The following NKAIN2 variants were observed in gnomAD, a reference collection of about 807,000 sequenced individuals.
NKAIN2 encodes sodium/potassium transporting ATPase interacting 2.
NKAIN2 carries 14 observed loss-of-function variants against 32.6 expected under a neutral mutation model. The ratio of observed to expected loss-of-function variants is 0.43; its 90% CI spans 0.28 to 0.67. The LOEUF (loss-of-function observed/expected upper bound fraction) is 0.67, where lower values mean the gene tolerates loss of function less well. Ranked by LOEUF, NKAIN2 falls within the 30% of genes least tolerant of loss-of-function variation. NKAIN2 has a pLI of 0.17. For synonymous variants in NKAIN2, 80 were observed against 87.2 expected, an observed-to-expected ratio of 0.92 and a Z score of 0.46; for missense variants, 198 against 258.3, an observed-to-expected ratio of 0.77 and a Z score of 1.60.
chr6:124,422,518 C>CT lies in NKAIN2; in HGVS notation c.273+67180dup, dbSNP rs200843036. Reference sequence around the variant, plus strand: ...ATCTCAGAAAGATTAGTATTTTTATCTTTTTTTTTCCATCTTTGTTCTAAA... The same window carrying CT: ...ATCTCAGAAAGATTAGTATTTTTATCTTTTTTTTTTCCATCTTTGTTCTAAA... On this transcript the variant is annotated intron_variant, in intron 3 of 6. Coordinates refer to ENST00000368417, the MANE Select transcript of NKAIN2 (RefSeq NM_001040214.3). Among the ~76,000 whole-genome samples, 1,508 of 151,498 alleles carry CT rather than the reference C, an allele frequency of 1.0e-2. 24 individuals carry two copies. Among genetic ancestry groups the CT allele is most frequent in the African/African-American group, 0.034 (1,416 of 41,374 alleles).
intron 1 of NKAIN2, among the ~76,000 whole-genome samples, chr6:124,246,886 G>T (rs904903648): frequency 6.6e-6 from 1 of 151,942 alleles, no homozygotes; most frequent in Non-Finnish European, 1.5e-5. Flanking sequence ...TGGTTTTATA[G>T]GTTGGAGTTC....
chr6:124,159,636 CAAAG>C (rs1788171735), intron 1 of NKAIN2, among the ~76,000 whole-genome samples: 2 of 152,044 alleles, frequency 1.3e-5, no homozygotes, highest in Admixed American at 1.3e-4. Flanking sequence ...ACTATAAAGA[CAAAG>C]AAAACTAAAT....
At chr6:124,588,975 T>C (rs959826649) in intron 3 of NKAIN2, among the ~76,000 whole-genome samples, 1 of 152,198 alleles carries the variant, frequency 6.6e-6, no homozygotes, top group Non-Finnish European at 1.5e-5. Context: ...ATACTTTTAA[T>C]GTATTTTTTA....
chr6:124,011,818 C>A (rs1031065040), intron 1 of NKAIN2, among the ~76,000 whole-genome samples: 4 of 152,150 alleles, frequency 2.6e-5, no homozygotes, highest in African/African-American at 9.7e-5. Context: ...TGCCACGAGA[C>A]CCTTGCCATT....
intron 1 of NKAIN2, among the ~76,000 whole-genome samples, chr6:124,007,743 C>T (rs767836204): frequency 6.6e-5 from 10 of 152,094 alleles, no homozygotes; most frequent in South Asian, 2.1e-4. Flanking sequence ...CCACTGATTT[C>T]GCCAATAAAA....
At chr6:124,513,859 C>T (rs1778807594) in intron 3 of NKAIN2, among the ~76,000 whole-genome samples, 1 of 152,014 alleles carries the variant, frequency 6.6e-6, no homozygotes, top group Admixed American at 6.6e-5. Flanking sequence ...AAATCATAAC[C>T]CATAATGTGG....
intron 1 of NKAIN2, among the ~76,000 whole-genome samples, chr6:123,947,732 G>T (rs977666198): frequency 6.6e-6 from 1 of 152,096 alleles, no homozygotes; most frequent in Admixed American, 6.6e-5. Context: ...ATCATCTCGA[G>T]CATTTATCAT....
chr6:124,802,563 G>A (rs534662681), intron 5 of NKAIN2, among the ~76,000 whole-genome samples: 3 of 152,154 alleles, frequency 2.0e-5, no homozygotes, highest in South Asian at 2.1e-4. Context: ...AAAAGATATC[G>A]GATTCATAAT....
intron 4 of NKAIN2, among the ~76,000 whole-genome samples, chr6:124,766,012 A>G (rs939455750): frequency 1.3e-5 from 2 of 152,186 alleles, no homozygotes; most frequent in Non-Finnish European, 2.9e-5. Flanking sequence ...GATAATGGCT[A>G]TTTTTCATGT....
chr6:124,041,911 T>C (rs926880487), intron 1 of NKAIN2, among the ~76,000 whole-genome samples: 2 of 152,122 alleles, frequency 1.3e-5, no homozygotes, highest in African/African-American at 4.8e-5. Context: ...GGTTCTGAAA[T>C]CTTAGTTGCT....
chr6:123,891,473 T>C (rs371286498), intron 1 of NKAIN2, among the ~76,000 whole-genome samples: 1 of 152,164 alleles, frequency 6.6e-6, no homozygotes, highest in Non-Finnish European at 1.5e-5. Context: ...TCCTTACTCC[T>C]GCATACCAAG....
intron 5 of NKAIN2, among the ~76,000 whole-genome samples, chr6:124,803,284 C>A (rs1411241449): frequency 6.6e-6 from 1 of 152,192 alleles, no homozygotes; most frequent in African/African-American, 2.4e-5. Context: ...CTTCTTGCAA[C>A]CCTGCCCAAA....
intron 4 of NKAIN2, among the ~76,000 whole-genome samples, chr6:124,717,360 G>A (rs950264924): frequency 2.0e-5 from 3 of 152,052 alleles, no homozygotes; most frequent in African/African-American, 7.2e-5. Context: ...CAAATAAATT[G>A]CACAACAATT....
intron 2 of NKAIN2, among the ~76,000 whole-genome samples, chr6:124,311,848 A>AT (rs1407751982): frequency 6.6e-6 from 1 of 152,128 alleles, no homozygotes; most frequent in East Asian, 1.9e-4. Flanking sequence ...AAAAATATGT[A>AT]TTTTTTAGCT....
chr6:124,717,926 T>TC (rs555322150), intron 4 of NKAIN2, among the ~76,000 whole-genome samples: 4 of 151,900 alleles, frequency 2.6e-5, no homozygotes, highest in African/African-American at 9.7e-5. Context: ...GGAGGTGTTA[T>TC]CCCCAGGCAT....
intron 4 of NKAIN2, among the ~76,000 whole-genome samples, chr6:124,783,637 G>A (rs1395165388): frequency 2.6e-5 from 4 of 152,122 alleles, no homozygotes; most frequent in Non-Finnish European, 5.9e-5. Context: ...ATTAGTATGA[G>A]ATAAGAATCA....
intron 1 of NKAIN2, among the ~76,000 whole-genome samples, chr6:124,056,220 T>C (rs1782644149): frequency 1.3e-5 from 2 of 151,436 alleles, no homozygotes; most frequent in Admixed American, 1.3e-4. Flanking sequence ...TATTTTGTAG[T>C]GCCTTTAATT....
intron 1 of NKAIN2, among the ~76,000 whole-genome samples, chr6:123,879,139 A>AT (rs1312935926): frequency 2.0e-5 from 3 of 152,304 alleles, no homozygotes; most frequent in African/African-American, 7.2e-5. Context: ...TTTTCTAGGC[A>AT]TTGTCATGCT....
intron 3 of NKAIN2, among the ~76,000 whole-genome samples, chr6:124,565,069 G>A (rs1028733525): frequency 1.3e-5 from 2 of 152,132 alleles, no homozygotes; most frequent in African/African-American, 4.8e-5. Flanking sequence ...AAGAGCAAGA[G>A]ATTTGTCTGG....
Sources: gnomAD v4.1 joint callset for allele counts (sites outside exome capture counted in the v4.1 genomes callset) on GRCh38, gnomAD v4.1.1 for gene constraint, MANE v1.5 for transcripts, NCBI Gene and HGNC (gene_info 2026-07-23, HGNC 2026-07-21) for gene names.